Variants in STARD13 observed in about 807,000 individuals in gnomAD.
STARD13 encodes StAR related lipid transfer domain containing 13.
A neutral mutation model predicts 106.4 loss-of-function variants in STARD13; 62 were observed. The ratio of observed to expected loss-of-function variants is 0.58; its 90% CI spans 0.48 to 0.72. STARD13 has a LOEUF of 0.72. STARD13 is among the 30% of genes least tolerant of loss of function. The pLI is 0.00. For missense variants in STARD13, 1,387 were observed against 1,424.0 expected (o/e 0.97, Z 0.42); for synonymous variants, 565 against 553.0 (o/e 1.02, Z -0.31).
At chr13:33,355,349 G>A (rs1252897474), upstream of STARD13, 1 of 152,156 alleles carries the variant, frequency 6.6e-6, no homozygotes. Context: ...ATGGAAGAGT[G>A]GAGAAGCACA....
At chr13:33,353,942 G>A (rs1446483221), upstream of STARD13, among the ~76,000 whole-genome samples, 1 of 152,202 alleles carries the variant, frequency 6.6e-6, no homozygotes, top group African/African-American at 2.4e-5. Flanking sequence ...AGACAGTTAT[G>A]ATCAGTAAAT....
At chr13:33,203,354 T>A (rs1013314991) in intron 1 of STARD13, among the ~76,000 whole-genome samples, 1 of 152,258 alleles carries the variant, frequency 6.6e-6, no homozygotes, top group African/African-American at 2.4e-5. Context: ...TCATATCTTA[T>A]ATGCTGCTAT....
intron 1 of STARD13, among the ~76,000 whole-genome samples, chr13:33,310,779 T>C (rs1400141370): frequency 1.3e-5 from 2 of 152,154 alleles, no homozygotes; most frequent in Non-Finnish European, 2.9e-5. Flanking sequence ...CTGAGAAATG[T>C]GTCCTTAGGC....
chr13:33,499,632 T>TTCCTCGTCC, the STARD13 span, among the ~76,000 whole-genome samples: 1 of 126,846 alleles, frequency 7.9e-6, no homozygotes, highest in African/African-American at 3.7e-5. Flanking sequence ...CTTCTTCTTC[T>TTCCTCGTCC]TCTTCTTCTT....
chr13:33,504,210 A>G, the STARD13 span, among the ~76,000 whole-genome samples: 1 of 152,156 alleles, frequency 6.6e-6, no homozygotes, highest in South Asian at 2.1e-4. Context: ...TTCCTCAAGG[A>G]TCTAGAACTA....
chr13:33,343,383 T>C (rs2077981942), intron 1 of STARD13, among the ~76,000 whole-genome samples: 1 of 151,080 alleles, frequency 6.6e-6, no homozygotes, highest in African/African-American at 2.4e-5. Context: ...GAGACCAGAC[T>C]GGTCTGGGCA....
the STARD13 span, among the ~76,000 whole-genome samples, chr13:33,594,068 G>A: frequency 1.3e-5 from 2 of 151,852 alleles, no homozygotes; most frequent in Non-Finnish European, 2.9e-5. Flanking sequence ...CACCATGCCC[G>A]GCTAATTTTT....
At chr13:33,426,755 T>A in the STARD13 span, among the ~76,000 whole-genome samples, 2 of 152,222 alleles carry the variant, frequency 1.3e-5, no homozygotes, top group Admixed American at 1.3e-4. Flanking sequence ...TTATTTGTTT[T>A]AAAATTCTTT....
chr13:33,322,442 T>C (rs1401901642), intron 1 of STARD13, among the ~76,000 whole-genome samples: 2 of 152,234 alleles, frequency 1.3e-5, no homozygotes, highest in East Asian at 3.8e-4. Flanking sequence ...TTAAAAAATG[T>C]ATCTGATATT....
chr13:33,220,698 T>A (rs1011063505), intron 1 of STARD13, among the ~76,000 whole-genome samples: 3 of 151,510 alleles, frequency 2.0e-5, no homozygotes, highest in Non-Finnish European at 2.9e-5. Flanking sequence ...TCTCAAAAAA[T>A]AAATAAATAA....
chr13:33,441,292 T>C, the STARD13 span, among the ~76,000 whole-genome samples: 1 of 152,186 alleles, frequency 6.6e-6, no homozygotes, highest in South Asian at 2.1e-4. Flanking sequence ...CCGATTCTAG[T>C]CTTAATTCTC....
At chr13:33,392,130 A>G in the STARD13 span, among the ~76,000 whole-genome samples, 1 of 152,086 alleles carries the variant, frequency 6.6e-6, no homozygotes, top group Non-Finnish European at 1.5e-5. Context: ...ACAATTATTA[A>G]TCAGAAGTTA....
At chr13:33,418,314 G>A in the STARD13 span, among the ~76,000 whole-genome samples, 23,787 of 152,172 alleles carry the variant, frequency 0.16, 4,449 homozygotes, top group African/African-American at 0.44. Flanking sequence ...CAGGTCCCAC[G>A]CCCACGGAGC....
At chr13:33,366,102 GA>G in the STARD13 span, among the ~76,000 whole-genome samples, 6 of 151,704 alleles carry the variant, frequency 4.0e-5, no homozygotes, top group African/African-American at 1.5e-4. This position sits in a 1 kb window ranked among gnomAD's most constrained non-coding sequence, Gnocchi z 4.2. Flanking sequence ...AAATTATATA[GA>G]ATTTTTTTCT....
chr13:33,385,222 T>TG, the STARD13 span, among the ~76,000 whole-genome samples: 334 of 100,196 alleles, frequency 3.3e-3, 8 homozygotes, highest in African/African-American at 0.016. Context: ...GTTCGGAATA[T>TG]ATATATATAT....
chr13:33,138,766 C>A, intron 4 of STARD13: 1 of 437,844 alleles, frequency 2.3e-6, no homozygotes, highest in Non-Finnish European at 4.6e-6. Flanking sequence ...GTTAGTCTTC[C>A]AGTGAGGCGT....
the STARD13 span, among the ~76,000 whole-genome samples, chr13:33,389,343 T>G: frequency 6.6e-6 from 1 of 152,046 alleles, no homozygotes; most frequent in African/African-American, 2.4e-5. Context: ...ACCCACTAAT[T>G]GAACAGTTTG....
At chr13:33,145,534 A>AT (rs35649905) in intron 3 of STARD13, among the ~76,000 whole-genome samples, 111 of 151,180 alleles carry the variant, frequency 7.3e-4, no homozygotes, top group South Asian at 3.6e-3. Context: ...ACTTTTTATA[A>AT]TTTTTTTTTT....
chr13:33,114,242 G>C (rs1458016278), intron 8 of STARD13, among the ~76,000 whole-genome samples: 1 of 152,220 alleles, frequency 6.6e-6, no homozygotes, highest in Non-Finnish European at 1.5e-5. Context: ...GGCTGTTCCA[G>C]AAGGGCTGAG....
Sources: allele counts gnomAD v4.1 joint callset (sites outside exome capture counted in the v4.1 genomes callset), GRCh38; gene constraint gnomAD v4.1.1; non-coding constraint Gnocchi (gnomAD v3.1); transcripts MANE v1.5; gene names NCBI Gene and HGNC (gene_info 2026-07-23, HGNC 2026-07-21).